The following HS6ST2 variants were observed in gnomAD, a reference collection of about 807,000 sequenced individuals.
HS6ST2 encodes heparan-sulfate 6-O-sulfotransferase 2.
Under a neutral mutation model 33.0 loss-of-function variants are expected in HS6ST2, and 17 were observed. The observed-to-expected ratio is 0.52, with a 90% CI of 0.35 to 0.77. The LOEUF (loss-of-function observed/expected upper bound fraction) is 0.77. Ranked by LOEUF, HS6ST2 falls within the 30% of genes least tolerant of loss-of-function variation. The pLI, the probability that HS6ST2 is intolerant of heterozygous loss-of-function variation, is 0.01. For synonymous variants in HS6ST2, 248 were observed against 237.1 expected (o/e 1.05, Z -0.42); for missense variants, 519 against 551.7 (o/e 0.94, Z 0.59).
At chrX:132,860,619 C>T (rs2065901670) in intron 2 of HS6ST2, among the ~76,000 whole-genome samples, 1 of 111,230 alleles carries the variant, frequency 9.0e-6, no homozygotes, top group Non-Finnish European at 1.9e-5. Context: ...TATGAATATC[C>T]TTCATTTCTG....
At chrX:132,866,120 G>A (rs1475961412) in intron 2 of HS6ST2, among the ~76,000 whole-genome samples, 30 of 110,257 alleles carry the variant, frequency 2.7e-4, no homozygotes, top group African/African-American at 3.3e-4. Flanking sequence ...TAGGTCTAAC[G>A]TTTAAGTCTT....
In HS6ST2 at chrX:132,957,098, T is replaced by C; in HGVS notation, c.657A>G (p.Val219=). 8.3e-7 allele frequency: 1 copy of C among 1,211,577 alleles called. No homozygotes were observed. Among genetic ancestry groups the C allele is most frequent in the Non-Finnish European group, 1.1e-6 (1 of 895,405 alleles). The change falls in exon 2 of 5, where the codon GTA becomes GTG. Residue 219 remains valine, a synonymous_variant. Coordinates refer to ENST00000370833, the MANE Select transcript of HS6ST2 (RefSeq NM_001394073.1). ...GGTCATCGCCCTTGATGTCGAAGTC[T>C]ACCTTGCGCAGGAGGTCGCCGCGGG... ...NFTRGDLLRK[V]DFDIKGDDLI... is the part of the protein sequence containing the mutation.
chrX:132,845,633 T>C (rs911151357), intron 2 of HS6ST2, among the ~76,000 whole-genome samples: 3 of 111,372 alleles, frequency 2.7e-5, no homozygotes, highest in African/African-American at 9.8e-5. Context: ...CAACTCTAGG[T>C]TGAGAGGCTA....
At chrX:132,865,493 A>C (rs2065964703) in intron 2 of HS6ST2, among the ~76,000 whole-genome samples, 1 of 110,213 alleles carries the variant, frequency 9.1e-6, no homozygotes, top group African/African-American at 3.3e-5. Flanking sequence ...GTATATACCC[A>C]GTAATGGGAT....
chrX:132,687,186 T>A (rs1002557582), intron 3 of HS6ST2, among the ~76,000 whole-genome samples: 1 of 111,521 alleles, frequency 9.0e-6, no homozygotes, highest in African/African-American at 3.3e-5. Flanking sequence ...TCTGTCCACT[T>A]ATCATCTCTC....
chrX:132,872,252 A>G (rs1213567784), intron 2 of HS6ST2, among the ~76,000 whole-genome samples: 3 of 112,138 alleles, frequency 2.7e-5, no homozygotes, highest in Admixed American at 9.5e-5. Flanking sequence ...AAAATCCCAT[A>G]TAAATAAGGT....
intron 3 of HS6ST2, among the ~76,000 whole-genome samples, chrX:132,704,391 C>T (rs1163257170): frequency 9.0e-6 from 1 of 111,211 alleles, no homozygotes; most frequent in Non-Finnish European, 1.9e-5. Flanking sequence ...TCTGTCTCTA[C>T]TAAAAATACA....
At chrX:132,637,747 A>AT (rs1556407137) in intron 4 of HS6ST2, among the ~76,000 whole-genome samples, 7 of 78,583 alleles carry the variant, frequency 8.9e-5, no homozygotes, top group Non-Finnish European at 1.6e-4. Context: ...ATATATAAAA[A>AT]ATATATATAT....
At chrX:132,772,736 A>G (rs1265885907) in intron 2 of HS6ST2, among the ~76,000 whole-genome samples, 2 of 94,895 alleles carry the variant, frequency 2.1e-5, no homozygotes, top group African/African-American at 7.7e-5. Flanking sequence ...GAACTACATT[A>G]TTAATATAAT....
chrX:132,814,156 G>A (rs1215157999), intron 2 of HS6ST2, among the ~76,000 whole-genome samples: 1 of 111,326 alleles, frequency 9.0e-6, no homozygotes, highest in African/African-American at 3.3e-5. Flanking sequence ...ATCTTGCCCA[G>A]GATGGTCTCG....
intron 2 of HS6ST2, among the ~76,000 whole-genome samples, chrX:132,810,603 C>T: frequency 9.0e-6 from 1 of 111,139 alleles, no homozygotes; most frequent in Non-Finnish European, 1.9e-5. Flanking sequence ...TTGTACACCC[C>T]TCCCACTCTG....
At chrX:132,671,071 C>T (rs970250161) in intron 3 of HS6ST2, among the ~76,000 whole-genome samples, 2 of 112,439 alleles carry the variant, frequency 1.8e-5, no homozygotes, top group African/African-American at 6.5e-5. Flanking sequence ...CTGAAGAATT[C>T]ATTTGGTGCT....
intron 2 of HS6ST2, among the ~76,000 whole-genome samples, chrX:132,801,689 T>G (rs958653712): frequency 8.9e-6 from 1 of 111,767 alleles, no homozygotes; most frequent in African/African-American, 3.2e-5. Flanking sequence ...CCCAGAGAAC[T>G]TCTGCTGCCT....
chrX:132,908,991 G>GAAAA (rs397975321), intron 2 of HS6ST2, among the ~76,000 whole-genome samples: 8 of 40,826 alleles, frequency 2.0e-4, no homozygotes, highest in Admixed American at 6.5e-4. Context: ...GAACTCCACT[G>GAAAA]AAAAAAAAAA....
chrX:132,950,823 T>C (rs777629493), intron 2 of HS6ST2, among the ~76,000 whole-genome samples: 11 of 112,109 alleles, frequency 9.8e-5, no homozygotes, highest in South Asian at 3.8e-4. Flanking sequence ...GATAAGCATA[T>C]CTTATTCTTA....
intron 2 of HS6ST2, among the ~76,000 whole-genome samples, chrX:132,850,235 C>T (rs1164035025): frequency 8.9e-6 from 1 of 111,983 alleles, no homozygotes; most frequent in Non-Finnish European, 1.9e-5. Context: ...AAGCCCACAT[C>T]GTAGTCAATG....
intron 2 of HS6ST2, among the ~76,000 whole-genome samples, chrX:132,946,559 T>C (rs908591574): frequency 2.7e-5 from 3 of 111,311 alleles, no homozygotes. Context: ...TAGGTGGGAA[T>C]TGAACAATGA....
chrX:132,867,857 T>C (rs1228734699), intron 2 of HS6ST2, among the ~76,000 whole-genome samples: 1 of 111,734 alleles, frequency 8.9e-6, no homozygotes, highest in Non-Finnish European at 1.9e-5. Flanking sequence ...CCATCGACAC[T>C]ATGAAGAAAC....
chrX:132,637,838 TATTTTATATATA>T (rs2063564300), intron 4 of HS6ST2, among the ~76,000 whole-genome samples: 1 of 43,241 alleles, frequency 2.3e-5, no homozygotes, highest in African/African-American at 4.5e-4. Flanking sequence ...TTATATATAA[TATTTTATATATA>T]ATATATATAT....
Sources: gnomAD v4.1 joint callset for allele counts (sites outside exome capture counted in the v4.1 genomes callset) on GRCh38, gnomAD v4.1.1 for gene constraint, MANE v1.5 for transcripts, NCBI Gene and HGNC (gene_info 2026-07-23, HGNC 2026-07-21) for gene names.